The following DAB1 variants were observed in gnomAD, a reference collection of about 807,000 sequenced individuals.
The protein encoded by DAB1 is disabled homolog 1.
A neutral mutation model predicts 64.6 loss-of-function variants in DAB1; 15 were observed. That is an observed-to-expected ratio of 0.23 (90% CI 0.16 to 0.36). DAB1 has a LOEUF of 0.36. Ranked by LOEUF, DAB1 falls within the 10% of genes least tolerant of loss-of-function variation. The pLI, the probability that DAB1 is intolerant of heterozygous loss-of-function variation, is 1.00. For synonymous variants in DAB1, 235 were observed against 251.9 expected (o/e 0.93, Z 0.64); for missense variants, 596 against 706.7 (o/e 0.84, Z 1.78).
At chr1:58,318,632 A>C (rs1662611427) in intron 4 of DAB1, among the ~76,000 whole-genome samples, 1 of 152,222 alleles carries the variant, frequency 6.6e-6, no homozygotes, top group Non-Finnish European at 1.5e-5. Flanking sequence ...AAAGCAAGTT[A>C]GTAGGAGAGC....
chr1:57,027,126 G>A (rs566289010), intron 9 of DAB1, among the ~76,000 whole-genome samples: 1 of 152,226 alleles, frequency 6.6e-6, no homozygotes, highest in East Asian at 1.9e-4. Flanking sequence ...GGATCTCTAG[G>A]TTCATCCAAA....
intron 7 of DAB1, among the ~76,000 whole-genome samples, chr1:57,565,075 T>C (rs1017872487): frequency 2.0e-5 from 3 of 152,208 alleles, no homozygotes; most frequent in Non-Finnish European, 4.4e-5. Flanking sequence ...AGCAGATCTC[T>C]CAGCAGAAAC....
In DAB1 at chr1:56,995,671, T is replaced by C. The variant is rs1449494575; in HGVS notation, c.*2473A>G. 6.6e-6 allele frequency: 1 copy of C among 152,194 alleles called. No homozygotes were observed. Among genetic ancestry groups the C allele is most frequent in the African/African-American group, 2.4e-5 (1 of 41,428 alleles). The allele number at this position is 152,194 out of a possible 1,614,324, so 9.4% of individuals were successfully genotyped here. On this transcript the variant is annotated 3_prime_UTR_variant, in exon 15 of 15. Transcript: ENST00000371236. The stretch of plus-strand genomic sequence containing the variant: ...AACCCAAAGAATTGGTATAATGGTG[T>C]GATACTGCAAGACAAACTCAAGACA...
At chr1:58,414,411 G>A (rs1052000893) in intron 3 of DAB1, among the ~76,000 whole-genome samples, 1 of 152,210 alleles carries the variant, frequency 6.6e-6, no homozygotes, top group Non-Finnish European at 1.5e-5. Context: ...CCACTGTGCT[G>A]TAATTGCCTG....
chr1:58,497,687 C>T (rs1645826712), intron 3 of DAB1, among the ~76,000 whole-genome samples: 1 of 152,064 alleles, frequency 6.6e-6, no homozygotes, highest in African/African-American at 2.4e-5. Flanking sequence ...AGTATGTCTC[C>T]CTCTCTGTAC....
intron 1 of DAB1, among the ~76,000 whole-genome samples, chr1:57,382,812 G>A (rs1257100836): frequency 6.6e-6 from 1 of 152,102 alleles, no homozygotes; most frequent in Non-Finnish European, 1.5e-5. Flanking sequence ...TATCTGCCGA[G>A]TCTCTTTTTC....
At chr1:58,069,275 C>T (rs2100567001) in intron 5 of DAB1, among the ~76,000 whole-genome samples, 1 of 152,312 alleles carries the variant, frequency 6.6e-6, no homozygotes, top group Non-Finnish European at 1.5e-5. Flanking sequence ...GCTCACCAAA[C>T]TTACCCTCTT....
At chr1:57,679,015 C>T (rs973591170) in intron 6 of DAB1, among the ~76,000 whole-genome samples, 1 of 152,054 alleles carries the variant, frequency 6.6e-6, no homozygotes, top group Non-Finnish European at 1.5e-5. Context: ...TCGTGATCCG[C>T]CTGCCTCGGC....
At chr1:57,488,555 A>G (rs1406589140) in intron 7 of DAB1, among the ~76,000 whole-genome samples, 1 of 151,936 alleles carries the variant, frequency 6.6e-6, no homozygotes, top group South Asian at 2.1e-4. Flanking sequence ...GCATGCCTGT[A>G]ATCCCAGCTA....
intron 3 of DAB1, among the ~76,000 whole-genome samples, chr1:58,454,355 C>A (rs980090253): frequency 6.6e-6 from 1 of 152,178 alleles, no homozygotes; most frequent in African/African-American, 2.4e-5. Flanking sequence ...GCCAGTGAAG[C>A]CTCATCTTCA....
In DAB1 at chr1:58,430,821, T is replaced by C. The variant is rs61281316; in HGVS notation, n.257+75239A>G. 5.9e-3 allele frequency among the ~76,000 whole-genome samples: 898 copies of C among 152,278 alleles called. 11 individuals carry two copies. Among genetic ancestry groups the C allele is most frequent in the African/African-American group, 0.021 (855 of 41,528 alleles). ...TATGGCTCAGGACTGACAACTTGGG[T>C]TTCCTTAGTAACCAAGTACTTAGCT... On this transcript the variant is annotated intron_variant and non_coding_transcript_variant, in intron 3 of 20. Coordinates refer to the DAB1 transcript ENST00000485760.
chr1:58,243,537 C>A (rs1660396788), intron 4 of DAB1, among the ~76,000 whole-genome samples: 1 of 151,986 alleles, frequency 6.6e-6, no homozygotes, highest in African/African-American at 2.4e-5. Context: ...AAGTGAAGAA[C>A]TATTAATTAT....
intron 7 of DAB1, among the ~76,000 whole-genome samples, chr1:57,525,624 G>C (rs981999807): frequency 9.9e-5 from 15 of 151,968 alleles, no homozygotes; most frequent in African/African-American, 3.4e-4. Context: ...GGAGAAGTGG[G>C]GATAGTGATA....
At chr1:57,864,653 AATTTATTT>A (rs761788076) in intron 1 of DAB1, 19 of 97,958 alleles carry the variant, frequency 1.9e-4, no homozygotes, top group East Asian at 5.1e-4. Context: ...TTTTTAAAAA[AATTTATTT>A]ATTTATTTAT....
chr1:58,349,559 T>C (rs1644031905), intron 3 of DAB1, among the ~76,000 whole-genome samples: 1 of 152,082 alleles, frequency 6.6e-6, no homozygotes, highest in Non-Finnish European at 1.5e-5. Context: ...GCTGCACCCA[T>C]AAACCCTTCA....
At chr1:57,901,220 G>GCCTAAA (rs1277836592) in intron 5 of DAB1, among the ~76,000 whole-genome samples, 1 of 151,944 alleles carries the variant, frequency 6.6e-6, no homozygotes, top group Non-Finnish European at 1.5e-5. Context: ...CTTTATATTG[G>GCCTAAA]CCTAACCCCT....
At chr1:58,199,611 T>C (rs1176290684) in intron 4 of DAB1, among the ~76,000 whole-genome samples, 1 of 152,234 alleles carries the variant, frequency 6.6e-6, no homozygotes, top group East Asian at 1.9e-4. Context: ...ACTATAATGC[T>C]ACTACTAGTA....
intron 5 of DAB1, among the ~76,000 whole-genome samples, chr1:58,001,707 G>A (rs565816204): frequency 6.6e-6 from 1 of 152,124 alleles, no homozygotes; most frequent in Non-Finnish European, 1.5e-5. Flanking sequence ...GGAGTACTAT[G>A]GATCCAGTTT....
chr1:57,351,229 T>C (rs1300928243), intron 1 of DAB1, among the ~76,000 whole-genome samples: 1 of 152,198 alleles, frequency 6.6e-6, no homozygotes, highest in African/African-American at 2.4e-5. Flanking sequence ...AGACTTGATC[T>C]TTAAACACTA....
Sources: allele counts gnomAD v4.1 joint callset (sites outside exome capture counted in the v4.1 genomes callset), GRCh38; gene constraint gnomAD v4.1.1; transcripts MANE v1.5; gene names NCBI Gene and HGNC (gene_info 2026-07-23, HGNC 2026-07-21).